Variants in TJP1 observed in about 807,000 individuals in gnomAD.
The protein encoded by TJP1 is tight junction protein ZO-1.
A neutral mutation model predicts 194.2 loss-of-function variants in TJP1; 43 were observed. That is an observed-to-expected ratio of 0.22 (90% CI 0.17 to 0.29). The LOEUF (loss-of-function observed/expected upper bound fraction) is 0.29, where lower values mean the gene tolerates loss of function less well. TJP1 is among the 10% of genes least tolerant of loss of function. TJP1 has a pLI of 1.00. For synonymous variants in TJP1, 801 were observed against 779.0 expected (o/e 1.03, Z -0.47); for missense variants, 1,971 against 2,185.7 (o/e 0.90, Z 1.96).
chr15:29,949,511 TCCACCTCCACCACCACCACCTC>T (rs2055495455), intron 2 of TJP1, among the ~76,000 whole-genome samples: 1 of 18,136 alleles, frequency 5.5e-5, no homozygotes, highest in Non-Finnish European at 1.1e-4. Context: ...AACCACCACC[TCCACCTCCACCACCACCACCTC>T]CACCACCACC....
chr15:29,926,960 A>T (rs926412344), intron 2 of TJP1, among the ~76,000 whole-genome samples: 1 of 151,674 alleles, frequency 6.6e-6, no homozygotes, highest in Non-Finnish European at 1.5e-5. Context: ...ATTTAAAAAA[A>T]CTCTAGATAA....
chr15:29,800,548 C>T, intron 2 of TJP1, 98 bp downstream of exon 2: 3 of 1,174,556 alleles, frequency 2.6e-6, no homozygotes, highest in Non-Finnish European at 3.7e-6. Context: ...AAGTTTCCTC[C>T]TCCCTCTGGC....
intron 2 of TJP1, among the ~76,000 whole-genome samples, chr15:29,887,802 T>G (rs1200853873): frequency 6.6e-6 from 1 of 152,236 alleles, no homozygotes; most frequent in African/African-American, 2.4e-5. Flanking sequence ...AAAAGACTAA[T>G]CGCTTTCCAA....
intron 2 of TJP1, among the ~76,000 whole-genome samples, chr15:29,847,793 A>G (rs753149339): frequency 7.9e-5 from 12 of 152,186 alleles, no homozygotes; most frequent in Non-Finnish European, 1.5e-4. Flanking sequence ...TCAAAAAAAT[A>G]AAAATAAAAA....
chr15:29,802,002 T>C (rs367694339), intron 1 of TJP1, among the ~76,000 whole-genome samples: 20 of 152,198 alleles, frequency 1.3e-4, no homozygotes, highest in African/African-American at 4.8e-4. Flanking sequence ...TCTAAGGAAT[T>C]AGCAGTAAGG....
chr15:29,796,184 C>A (rs1304346259), intron 2 of TJP1, among the ~76,000 whole-genome samples: 3 of 151,632 alleles, frequency 2.0e-5, no homozygotes, highest in African/African-American at 7.3e-5. Flanking sequence ...CAAACTAGTG[C>A]AATAAGGCAA....
intron 2 of TJP1, among the ~76,000 whole-genome samples, chr15:29,795,710 T>C (rs72719076): frequency 0.081 from 12,269 of 152,124 alleles, 529 homozygotes; most frequent in African/African-American, 0.088. Flanking sequence ...CAAAACCAGA[T>C]ATAAACAATG....
At chr15:29,710,099 C>T (rs982936030) in intron 24 of TJP1, among the ~76,000 whole-genome samples, 7 of 151,822 alleles carry the variant, frequency 4.6e-5, no homozygotes, top group African/African-American at 1.5e-4. Context: ...TGAGCTGAGA[C>T]TGCGCCACTG....
intron 8 of TJP1, among the ~76,000 whole-genome samples, chr15:29,758,321 C>T (rs2045780999): frequency 6.6e-6 from 1 of 151,810 alleles, no homozygotes. Flanking sequence ...AAGCAAGCCC[C>T]AGAAGTTTGT....
At chr15:29,758,295 G>A (rs751031594) in intron 8 of TJP1, among the ~76,000 whole-genome samples, 9 of 151,830 alleles carry the variant, frequency 5.9e-5, no homozygotes, top group African/African-American at 1.2e-4. Flanking sequence ...GCCTGCTTCC[G>A]TCTCAGATCA....
intron 2 of TJP1, among the ~76,000 whole-genome samples, chr15:29,786,196 G>T (rs2047688932): frequency 6.6e-6 from 1 of 152,122 alleles, no homozygotes; most frequent in Non-Finnish European, 1.5e-5. Flanking sequence ...CAAATTGTGT[G>T]TGTCTTCCTG....
intron 1 of TJP1, among the ~76,000 whole-genome samples, chr15:29,814,914 C>CAT (rs2049802634): frequency 6.6e-6 from 1 of 152,176 alleles, no homozygotes; most frequent in Admixed American, 6.5e-5. Flanking sequence ...TTGAGCACTA[C>CAT]ATATATGACA....
At position 29,734,332 on chromosome 15, in the gene TJP1, GA is replaced by G; in HGVS notation, c.1457del (p.Phe486SerfsTer11). On this transcript the variant is annotated frameshift_variant, in exon 12 of 28. Transcript: ENST00000614355. LOFTEE classifies it high-confidence loss of function. ...CTTCTCCTTTAGGGAGGTCAAGCAG[GA>G]AAAGGACGGCTTCTTCTCTTATGAT... ...TNIIREEAVL[F>X]LLDLPKGEEV... 6.2e-7 allele frequency: 1 copy of G among 1,613,380 alleles called. No homozygotes were observed.
In TJP1 at chr15:29,932,136, C is replaced by T. The variant is rs539486993; in HGVS notation, c.306+24096G>A. On this transcript the variant is annotated intron_variant, in intron 2 of 28. Transcript: ENST00000356107. Reference sequence around the variant, plus strand: ...ATCCTGTGACTTAGAATGCTTTAACCGTCTGGGAATGCAGCCCAGTAAATC... The same window carrying T: ...ATCCTGTGACTTAGAATGCTTTAACTGTCTGGGAATGCAGCCCAGTAAATC... 2.0e-5 allele frequency among the ~76,000 whole-genome samples: 3 copies of T among 152,252 alleles called. No homozygotes were observed. In the East Asian group the frequency reaches 5.8e-4, roughly 29 times the overall value.
intron 27 of TJP1, among the ~76,000 whole-genome samples, 176 bp downstream of exon 27, chr15:29,703,986 A>C (rs1439765504): frequency 1.3e-5 from 2 of 152,204 alleles, no homozygotes; most frequent in Non-Finnish European, 2.9e-5. Flanking sequence ...CTACCTTTCC[A>C]TATTTATTTA....
At chr15:29,706,290 G>A (rs1056816699) in intron 25 of TJP1, among the ~76,000 whole-genome samples, 2 of 152,150 alleles carry the variant, frequency 1.3e-5, no homozygotes, top group African/African-American at 2.4e-5. Context: ...CTAGAGAAAT[G>A]TCAAAAATTC....
intron 5 of TJP1, among the ~76,000 whole-genome samples, chr15:29,764,091 G>T (rs768793397): frequency 6.6e-6 from 1 of 152,174 alleles, no homozygotes; most frequent in African/African-American, 2.4e-5. Flanking sequence ...GGAGAAAGCA[G>T]CAAATGAGAT....
At chr15:29,914,426 G>GGCA (rs1261732080) in intron 2 of TJP1, among the ~76,000 whole-genome samples, 2 of 152,020 alleles carry the variant, frequency 1.3e-5, no homozygotes, top group Non-Finnish European at 2.9e-5. Context: ...GAGAAAGCCA[G>GGCA]GCAGCAGCAG....
rs971538828 is a variant in TJP1, at chr15:29,702,682, T to C, written c.5213-993A>G. Among the ~76,000 whole-genome samples the C allele has an allele frequency of 2.0e-4, 31 of 152,320 alleles. 1 individual carries two copies. The highest frequency in any genetic ancestry group is 6.8e-3 in the Middle Eastern group (2 of 294). On this transcript the variant is annotated intron_variant, in intron 27 of 27. Coordinates refer to ENST00000614355, the MANE Select transcript of TJP1 (RefSeq NM_001330239.4). ...GCTGAGAACTTTGCTTACAGTACGTTAGACATTACCTAAGCAATATCTGGA... is the reference window on the plus strand; with the variant it reads ...GCTGAGAACTTTGCTTACAGTACGTCAGACATTACCTAAGCAATATCTGGA...
Sources: gnomAD v4.1 joint callset for allele counts (sites outside exome capture counted in the v4.1 genomes callset) on GRCh38, gnomAD v4.1.1 for gene constraint, MANE v1.5 for transcripts, NCBI Gene and HGNC (gene_info 2026-07-23, HGNC 2026-07-21) for gene names.